Variants in SCARA5 observed in about 807,000 individuals in gnomAD.
SCARA5 encodes the protein scavenger receptor class A, member 5 (putative).
A neutral mutation model predicts 46.3 loss-of-function variants in SCARA5; 45 were observed. The ratio of observed to expected loss-of-function variants is 0.97; its 90% confidence interval spans 0.76 to 1.24. SCARA5 has a LOEUF of 1.24. Ranked by LOEUF, SCARA5 falls within the 50% of genes most tolerant of loss-of-function variation. The probability of loss-of-function intolerance (pLI) is 0.00; values close to 1 mark genes in which losing one functional copy is unlikely to be tolerated. For missense variants in SCARA5, 680 were observed against 689.0 expected (o/e 0.99, Z 0.15); for synonymous variants, 333 against 306.5 (o/e 1.09, Z -0.90).
At chr8:27,905,473 A>C (rs1167438693) in intron 6 of SCARA5, among the ~76,000 whole-genome samples, 1 of 145,882 alleles carries the variant, frequency 6.9e-6, no homozygotes, top group Non-Finnish European at 1.5e-5. Context: ...TCTGGTGAAA[A>C]AATCAAGCCA....
intron 3 of SCARA5, among the ~76,000 whole-genome samples, chr8:27,934,293 A>C (rs1211807196): frequency 6.6e-6 from 1 of 152,198 alleles, no homozygotes; most frequent in East Asian, 1.9e-4. Context: ...GCAAGGAAGA[A>C]AATTGCCCAC....
intron 3 of SCARA5, among the ~76,000 whole-genome samples, chr8:27,928,046 G>A (rs951742362): frequency 1.3e-5 from 2 of 152,142 alleles, no homozygotes; most frequent in African/African-American, 4.8e-5. Context: ...TATTCTTTGG[G>A]CATCAACTTG....
At chr8:27,962,790 T>C (rs187745180) in intron 3 of SCARA5, among the ~76,000 whole-genome samples, 25 of 152,318 alleles carry the variant, frequency 1.6e-4, no homozygotes, top group South Asian at 4.2e-4. Flanking sequence ...AATGGGTGTA[T>C]GTATTCATGA....
chr8:27,917,979 C>T (rs188583079), intron 4 of SCARA5, among the ~76,000 whole-genome samples: 1 of 152,268 alleles, frequency 6.6e-6, no homozygotes, highest in East Asian at 1.9e-4. Flanking sequence ...AGCCTCTGAT[C>T]GTCCAGTGTC....
At chr8:27,980,450 T>G (rs1808595737) in intron 2 of SCARA5, among the ~76,000 whole-genome samples, 1 of 152,052 alleles carries the variant, frequency 6.6e-6, no homozygotes, top group Admixed American at 6.5e-5. Flanking sequence ...GTCGGTGGCA[T>G]CCCCCTCAGA....
chr8:27,885,298 G>C (rs113020882), intron 7 of SCARA5, among the ~76,000 whole-genome samples: 2 of 152,160 alleles, frequency 1.3e-5, no homozygotes, highest in African/African-American at 4.8e-5. Context: ...ACTCCTTTCT[G>C]TACTCTGGCC....
intron 3 of SCARA5, among the ~76,000 whole-genome samples, chr8:27,961,747 T>G (rs967968838): frequency 3.3e-5 from 5 of 152,232 alleles, no homozygotes; most frequent in African/African-American, 1.2e-4. Flanking sequence ...GTAATGTCAA[T>G]GCAGTATATA....
intron 4 of SCARA5, among the ~76,000 whole-genome samples, chr8:27,911,149 T>G (rs538472107): frequency 1.1e-4 from 17 of 152,194 alleles, no homozygotes; most frequent in Non-Finnish European, 1.6e-4. Context: ...GGTGGCTCAC[T>G]GCCCACTCCT....
At chr8:27,881,333 G>GTACATA (rs1806809131) in intron 7 of SCARA5, among the ~76,000 whole-genome samples, 1 of 152,062 alleles carries the variant, frequency 6.6e-6, no homozygotes, top group Admixed American at 6.6e-5. Flanking sequence ...AGAAAATGTG[G>GTACATA]TACATATACA....
At chr8:27,924,592 A>C (rs1807652223) in intron 3 of SCARA5, among the ~76,000 whole-genome samples, 1 of 152,218 alleles carries the variant, frequency 6.6e-6, no homozygotes, top group Non-Finnish European at 1.5e-5. Context: ...TGCTTACACC[A>C]GTCTCTCCAT....
At chr8:27,883,427 C>T (rs1563511818) in intron 7 of SCARA5, among the ~76,000 whole-genome samples, 3 of 152,188 alleles carry the variant, frequency 2.0e-5, no homozygotes, top group African/African-American at 7.2e-5. Context: ...GGGGCTATTT[C>T]CCCTGCTGGG....
intron 1 of SCARA5, among the ~76,000 whole-genome samples, chr8:27,990,232 C>T (rs942448815): frequency 1.3e-5 from 2 of 152,156 alleles, no homozygotes; most frequent in African/African-American, 2.4e-5. Flanking sequence ...TGGGGCCGAG[C>T]GGGGCCAGAT....
In SCARA5 at chr8:27,892,646, G is replaced by C. The variant is rs191623032; in HGVS notation, c.1153+12132C>G. ...TTTTTTTGAGACGGAGTCAAGCTCTGTTGCCCAGGCTGGAGTGCAGTGGTG... is the reference window on the plus strand; with the variant it reads ...TTTTTTTGAGACGGAGTCAAGCTCTCTTGCCCAGGCTGGAGTGCAGTGGTG... On this transcript the variant is annotated intron_variant, in intron 7 of 8. Transcript: ENST00000354914. 2.6e-3 allele frequency among the ~76,000 whole-genome samples: 324 copies of C among 122,766 alleles called. 1 individual carries two copies. Among genetic ancestry groups the C allele is most frequent in the Middle Eastern group, 6.8e-3 (1 of 146 alleles). The allele number at this position is 122,766 out of a possible 152,430, so 80.5% of individuals were successfully genotyped here.
At chr8:27,907,858 C>T (rs1270300797) in intron 5 of SCARA5, among the ~76,000 whole-genome samples, 2 of 152,200 alleles carry the variant, frequency 1.3e-5, no homozygotes, top group African/African-American at 4.8e-5. Context: ...GCGTGAGCCA[C>T]CGCGTCCAGC....
Position 27,959,644 on chromosome 8 carries a change from G to A in SCARA5, c.241+6770C>T, listed in dbSNP as rs544155278. On this transcript the variant is annotated intron_variant, in intron 3 of 8. Transcript: ENST00000354914. ...CTTGGTGTTACCAACTCACTGATGA[G>A]CAATCGTGAGGATGAGGAGAATGCC... Among the ~76,000 whole-genome samples, 3 of 152,342 alleles carry A rather than the reference G, an allele frequency of 2.0e-5. No homozygotes were observed. In the South Asian group the frequency reaches 6.2e-4, roughly 32 times the overall value.
intron 4 of SCARA5, among the ~76,000 whole-genome samples, chr8:27,921,284 G>C (rs1807579067): frequency 1.3e-5 from 2 of 152,210 alleles, no homozygotes; most frequent in Non-Finnish European, 2.9e-5. Context: ...GCCACAACTG[G>C]AGCAAACTCT....
At chr8:27,964,154 C>T (rs1241942854) in intron 3 of SCARA5, among the ~76,000 whole-genome samples, 1 of 152,184 alleles carries the variant, frequency 6.6e-6, no homozygotes, top group African/African-American at 2.4e-5. Flanking sequence ...TCAGACAGAG[C>T]CTCCTTAAAG....
chr8:27,873,973 C>T (rs1424136420), intron 8 of SCARA5, among the ~76,000 whole-genome samples: 1 of 152,182 alleles, frequency 6.6e-6, no homozygotes, highest in Non-Finnish European at 1.5e-5. Flanking sequence ...TCGCTTGAAC[C>T]CGTGAGGCGG....
intron 3 of SCARA5, among the ~76,000 whole-genome samples, chr8:27,952,975 G>A (rs1349079505): frequency 6.6e-6 from 1 of 152,230 alleles, no homozygotes; most frequent in Non-Finnish European, 1.5e-5. Flanking sequence ...ATTGCTTAGA[G>A]CAGATCACTT....
Sources: allele counts gnomAD v4.1 joint callset (sites outside exome capture counted in the v4.1 genomes callset), GRCh38; gene constraint gnomAD v4.1.1; transcripts MANE v1.5; gene names NCBI Gene and HGNC (gene_info 2026-07-23, HGNC 2026-07-21).